The following TNPO1 variants were observed in gnomAD, a reference collection of about 807,000 sequenced individuals.
TNPO1 encodes transportin-1.
In TNPO1, 8 loss-of-function variants were observed where a neutral mutation model predicts 119.5. That is an observed-to-expected ratio of 0.07 (90% CI 0.04 to 0.12). The LOEUF (loss-of-function observed/expected upper bound fraction) is 0.12, where lower values mean the gene tolerates loss of function less well. Among genes scored for constraint, TNPO1 ranks in the 10% least tolerant of loss-of-function variants. The pLI, the probability that TNPO1 is intolerant of heterozygous loss-of-function variation, is 1.00. For missense variants in TNPO1, 576 were observed against 1,089.8 expected (o/e 0.53, Z 6.64); for synonymous variants, 362 against 363.0 (o/e 1.00, Z 0.03).
intron 1 of TNPO1, among the ~76,000 whole-genome samples, chr5:72,830,025 C>T (rs768698538): frequency 6.6e-6 from 1 of 152,056 alleles, no homozygotes; most frequent in Non-Finnish European, 1.5e-5. Flanking sequence ...GGAGATTTTC[C>T]TGGAGTCTGA....
chr5:72,833,314 T>G (rs951040161), intron 1 of TNPO1, among the ~76,000 whole-genome samples: 1 of 152,188 alleles, frequency 6.6e-6, no homozygotes, highest in Non-Finnish European at 1.5e-5. Flanking sequence ...AGAATTTGAA[T>G]GTTTTAGGGA....
rs1350286079 is a variant in TNPO1, at chr5:72,913,216, A to G, written c.*4543A>G. On this transcript the variant is annotated 3_prime_UTR_variant, in exon 25 of 25. Transcript: ENST00000337273. ...TGTATTAAATATGGAGATACTTCTAATGCCTCTCTAAAATTAAATTTTACA... is the reference window on the plus strand; with the variant it reads ...TGTATTAAATATGGAGATACTTCTAGTGCCTCTCTAAAATTAAATTTTACA... The G allele has an allele frequency of 6.6e-6, 1 of 152,476 alleles. No homozygotes were observed. The highest frequency in any genetic ancestry group is 2.4e-5 in the African/African-American group (1 of 41,434). 9.4% of individuals were successfully genotyped at this position (152,476 alleles called of 1,614,324 possible). A position where few individuals can be genotyped will look rare whatever the true frequency, so the allele number is the denominator to read the frequency against.
At chr5:72,871,928 A>AG (rs1387303556) in intron 6 of TNPO1, 1 of 152,236 alleles carries the variant, frequency 6.6e-6, no homozygotes, top group Non-Finnish European at 1.5e-5. Context: ...TGTAATTAAG[A>AG]GGGAAAAAAA....
At chr5:72,887,427 C>T (rs1291592166) in intron 12 of TNPO1, among the ~76,000 whole-genome samples, 7 of 152,268 alleles carry the variant, frequency 4.6e-5, no homozygotes, top group African/African-American at 1.7e-4. Context: ...TGGTGGCTCA[C>T]GCCTATAATC....
intron 1 of TNPO1, among the ~76,000 whole-genome samples, chr5:72,847,735 C>A (rs1745195054): frequency 6.6e-6 from 1 of 152,128 alleles, no homozygotes; most frequent in South Asian, 2.1e-4. Flanking sequence ...TCAAGTTCTG[C>A]AAATGTTGCA....
intron 11 of TNPO1, 107 bp downstream of exon 11, chr5:72,883,339 G>C (rs1375356808): frequency 1.5e-6 from 1 of 645,912 alleles, no homozygotes; most frequent in Admixed American, 2.5e-5. Flanking sequence ...ACATTTCATT[G>C]GTTTTTAGTA....
chr5:72,880,617 C>G (rs1240903003), intron 9 of TNPO1, among the ~76,000 whole-genome samples: 1 of 152,106 alleles, frequency 6.6e-6, no homozygotes, highest in Non-Finnish European at 1.5e-5. Context: ...GAGTTCAAGA[C>G]CAGCTTGGCC....
At position 72,897,008 on chromosome 5, in the gene TNPO1, C is replaced by T. The variant is rs776232766; in HGVS notation, c.2243-48C>T. On this transcript the variant is annotated intron_variant, in intron 19 of 24. Transcript: ENST00000337273. ...AAAATATTTCACATTGATATTTTAA[C>T]GTTCAATTTTTTCTTTTTTGTTTTT... 3.4e-6 allele frequency: 4 copies of T among 1,179,954 alleles called. No homozygotes were observed. In the South Asian group the frequency reaches 6.6e-5, roughly 20 times the overall value. The allele number at this position is 1,179,954 out of a possible 1,614,324, so 73.1% of individuals were successfully genotyped here.
At chr5:72,855,632 T>A (rs1163010375) in intron 3 of TNPO1, 142 bp from the exon 4 acceptor site, 1 of 684,210 alleles carries the variant, frequency 1.5e-6, no homozygotes, top group Non-Finnish European at 2.4e-6. Flanking sequence ...TAATCTTTTG[T>A]TAATCAGTTA....
intron 13 of TNPO1, 92 bp downstream of exon 13, chr5:72,888,395 A>G: frequency 8.9e-7 from 1 of 1,129,228 alleles, no homozygotes; most frequent in Non-Finnish European, 1.3e-6. Flanking sequence ...ACCTATAATG[A>G]AGTGTTTCGT....
At chr5:72,904,218 T>C (rs1480970678) in intron 23 of TNPO1, among the ~76,000 whole-genome samples, 2 of 152,354 alleles carry the variant, frequency 1.3e-5, no homozygotes, top group East Asian at 3.9e-4. Context: ...AAAATGCAGT[T>C]ACACATTTGA....
rs1192872292 is a variant in TNPO1 at position 72,855,939 on chromosome 5, A to G, written c.355+16A>G. The G allele has an allele frequency of 6.2e-7, 1 of 1,611,640 alleles. No homozygotes were observed. The highest frequency in any genetic ancestry group is 2.2e-5 in the East Asian group (1 of 44,794). The stretch of plus-strand genomic sequence containing the variant: ...GCCACTGTTGGTAAGTTATATTACA[A>G]CAGTTTTGCTTACTTTGTTTGTAAC... On this transcript the variant is annotated intron_variant, in intron 4 of 24. Transcript: ENST00000337273.
chr5:72,849,747 A>T (rs1745407318), intron 2 of TNPO1, among the ~76,000 whole-genome samples: 1 of 152,206 alleles, frequency 6.6e-6, no homozygotes, highest in South Asian at 2.1e-4. Flanking sequence ...CACTTTTGGA[A>T]TGTATTGCCG....
chr5:72,891,548 ACT>A (rs763065095), intron 14 of TNPO1, among the ~76,000 whole-genome samples: 1 of 151,864 alleles, frequency 6.6e-6, no homozygotes, highest in Non-Finnish European at 1.5e-5. Context: ...TTATTGATAG[ACT>A]CTTTTTTTCA....
intron 9 of TNPO1, chr5:72,878,797 A>G: frequency 3.1e-6 from 1 of 327,650 alleles, no homozygotes; most frequent in Non-Finnish European, 5.9e-6. Context: ...TAATTTTTAT[A>G]AAAACTGCAG....
In TNPO1 at chr5:72,866,948, G is replaced by A. The variant is rs1746951952; in HGVS notation, c.596+1219G>A. On this transcript the variant is annotated intron_variant, in intron 6 of 24. Coordinates refer to ENST00000337273, the MANE Select transcript of TNPO1 (RefSeq NM_002270.4). ...ACAGCGCTTTGGGAGGCTGAGGCAG[G>A]AGGATTGCTTGAGGCCAGGAGTTAG... Among the ~76,000 whole-genome samples the A allele has an allele frequency of 2.0e-5, 3 of 152,202 alleles. 1 individual carries two copies. In the South Asian group the frequency reaches 6.2e-4, roughly 32 times the overall value.
chr5:72,823,480 T>G (rs575996413), intron 1 of TNPO1, among the ~76,000 whole-genome samples: 1 of 152,274 alleles, frequency 6.6e-6, no homozygotes, highest in South Asian at 2.1e-4. Context: ...CCATTTCATG[T>G]GTTCTGCTCT....
chr5:72,865,397 G>T (rs2065846212), intron 5 of TNPO1, among the ~76,000 whole-genome samples, 199 bp from the exon 6 acceptor site: 1 of 46,872 alleles, frequency 2.1e-5, no homozygotes, highest in South Asian at 5.3e-4. Flanking sequence ...ACCCGAGATG[G>T]TGCCACTGCC....
chr5:72,830,523 T>C (rs1276643888), intron 1 of TNPO1, among the ~76,000 whole-genome samples: 5 of 152,202 alleles, frequency 3.3e-5, no homozygotes, highest in Admixed American at 6.6e-5. Context: ...TTTATTATTA[T>C]ATTGGTAGTT....
Sources: gnomAD v4.1 joint callset for allele counts (sites outside exome capture counted in the v4.1 genomes callset) on GRCh38, gnomAD v4.1.1 for gene constraint, MANE v1.5 for transcripts, NCBI Gene and HGNC (gene_info 2026-07-23, HGNC 2026-07-21) for gene names.